The following HPSE2 variants were observed in gnomAD, a reference collection of about 807,000 sequenced individuals.
HPSE2 encodes inactive heparanase-2.
In HPSE2, 38 loss-of-function variants were observed where a neutral mutation model predicts 60.5. The ratio of observed to expected loss-of-function variants is 0.63; its 90% CI spans 0.48 to 0.82. The LOEUF (loss-of-function observed/expected upper bound fraction) is 0.82, where lower values mean the gene tolerates loss of function less well. Ranked by LOEUF, HPSE2 falls within the 40% of genes least tolerant of loss-of-function variation. HPSE2 has a pLI of 0.00. For synonymous variants in HPSE2, 295 were observed against 293.2 expected, an observed-to-expected ratio of 1.01 and a Z score of -0.06; for missense variants, 713 against 740.4, an observed-to-expected ratio of 0.96 and a Z score of 0.43.
intron 3 of HPSE2, among the ~76,000 whole-genome samples, chr10:98,847,062 G>A (rs1363357434): frequency 2.6e-5 from 4 of 152,168 alleles, no homozygotes; most frequent in Admixed American, 2.6e-4. Context: ...AAGCTATCCT[G>A]GCATTGTCTG....
At chr10:98,987,691 A>G (rs1240203324) in intron 3 of HPSE2, among the ~76,000 whole-genome samples, 1 of 152,218 alleles carries the variant, frequency 6.6e-6, no homozygotes, top group East Asian at 1.9e-4. Context: ...TTAGGAAAAG[A>G]GGAAGTCAAA....
intron 2 of HPSE2, among the ~76,000 whole-genome samples, chr10:99,165,367 T>G (rs1847034707): frequency 6.6e-6 from 1 of 152,072 alleles, no homozygotes. Context: ...CCAGTATGAT[T>G]GTGCCATTCA....
At chr10:99,265,501 A>G in the HPSE2 span, among the ~76,000 whole-genome samples, 1 of 152,336 alleles carries the variant, frequency 6.6e-6, no homozygotes, top group Admixed American at 6.5e-5. Context: ...TACCTAGGTG[A>G]CGGGATGATC....
chr10:99,304,185 G>A, the HPSE2 span, among the ~76,000 whole-genome samples: 1 of 152,172 alleles, frequency 6.6e-6, no homozygotes, highest in Non-Finnish European at 1.5e-5. Flanking sequence ...CTAAAACAGG[G>A]CCAGAGCAAA....
intron 5 of HPSE2, among the ~76,000 whole-genome samples, chr10:98,715,463 T>G (rs1318310016): frequency 6.6e-6 from 1 of 151,964 alleles, no homozygotes; most frequent in East Asian, 1.9e-4. Context: ...ATTGTTTAAT[T>G]AATTTATCTT....
the HPSE2 span, among the ~76,000 whole-genome samples, chr10:99,258,732 T>C: frequency 2.0e-5 from 3 of 152,192 alleles, no homozygotes; most frequent in Admixed American, 6.5e-5. Context: ...ACATGGACAA[T>C]TGATTTTTGA....
intron 3 of HPSE2, among the ~76,000 whole-genome samples, chr10:98,748,880 G>GA (rs368814127): frequency 7.8e-4 from 114 of 146,020 alleles, no homozygotes; most frequent in African/African-American, 1.1e-3. Context: ...AAAGGACTGA[G>GA]AAAAAAAAAA....
chr10:98,726,762 C>T (rs911434857), intron 4 of HPSE2, among the ~76,000 whole-genome samples: 4 of 151,770 alleles, frequency 2.6e-5, no homozygotes, highest in African/African-American at 9.7e-5. Flanking sequence ...GCTAAATATG[C>T]TTAGGAGGGA....
intron 9 of HPSE2, among the ~76,000 whole-genome samples, chr10:98,555,343 A>G (rs1434014831): frequency 6.6e-6 from 1 of 152,230 alleles, no homozygotes; most frequent in East Asian, 1.9e-4. Context: ...TGCTGTTTGC[A>G]CATTCTGCCT....
intron 10 of HPSE2, among the ~76,000 whole-genome samples, chr10:98,486,272 T>G (rs569819622): frequency 1.3e-5 from 2 of 152,192 alleles, no homozygotes; most frequent in Admixed American, 1.3e-4. Context: ...CACAGAAAAA[T>G]AATCTTGGAG....
At chr10:98,638,083 G>A (rs1164037680) in intron 7 of HPSE2, among the ~76,000 whole-genome samples, 1 of 141,422 alleles carries the variant, frequency 7.1e-6, no homozygotes, top group Non-Finnish European at 1.5e-5. Flanking sequence ...GAGGTTCAGT[G>A]AGCTGAGATC....
intron 7 of HPSE2, among the ~76,000 whole-genome samples, chr10:98,630,113 C>G (rs1030281011): frequency 6.6e-6 from 1 of 152,146 alleles, no homozygotes; most frequent in Non-Finnish European, 1.5e-5. Context: ...CCCATTGCTC[C>G]CCTGTGGGAG....
intron 3 of HPSE2, among the ~76,000 whole-genome samples, chr10:98,905,019 C>A (rs7893990): frequency 0.31 from 47,826 of 151,916 alleles, 9,231 homozygotes; most frequent in African/African-American, 0.54. Context: ...CATTTAATAC[C>A]TTATCGCCAG....
intron 3 of HPSE2, among the ~76,000 whole-genome samples, chr10:98,911,693 G>A (rs1410345336): frequency 6.6e-6 from 1 of 152,144 alleles, no homozygotes; most frequent in African/African-American, 2.4e-5. Flanking sequence ...CATTGTTTAG[G>A]CATTGAGTAG....
chr10:98,858,971 C>T (rs966971431), intron 3 of HPSE2, among the ~76,000 whole-genome samples: 16 of 152,068 alleles, frequency 1.1e-4, no homozygotes, highest in Non-Finnish European at 1.8e-4. Context: ...CTTTATTGCC[C>T]GGGCTGGAGT....
At chr10:99,235,991 GTTTT>G (rs1171924296), upstream of HPSE2, 6 of 387,374 alleles carry the variant, frequency 1.5e-5, no homozygotes, top group Non-Finnish European at 2.6e-5. Context: ...CGCTCGTTTT[GTTTT>G]TTTCTTTTTT....
intron 3 of HPSE2, among the ~76,000 whole-genome samples, chr10:99,026,165 C>CA (rs1957372779): frequency 6.6e-6 from 1 of 151,816 alleles, no homozygotes; most frequent in Admixed American, 6.6e-5. Flanking sequence ...CCTCTCCAAT[C>CA]AAAAAAACAT....
At chr10:98,730,229 C>T (rs546659599) in intron 4 of HPSE2, among the ~76,000 whole-genome samples, 1 of 151,736 alleles carries the variant, frequency 6.6e-6, no homozygotes, top group South Asian at 2.1e-4. Context: ...AACAAATAAT[C>T]CATTGATCAA....
At chr10:98,656,476 T>G (rs1293729225) in intron 6 of HPSE2, among the ~76,000 whole-genome samples, 3 of 152,310 alleles carry the variant, frequency 2.0e-5, no homozygotes, top group East Asian at 1.9e-4. Flanking sequence ...TTCCTTAATG[T>G]GGGTTGTGCT....
Sources: allele counts gnomAD v4.1 joint callset (sites outside exome capture counted in the v4.1 genomes callset), GRCh38; gene constraint gnomAD v4.1.1; transcripts MANE v1.5; gene names NCBI Gene and HGNC (gene_info 2026-07-23, HGNC 2026-07-21).